TNRC6A: variants seen among roughly 807,000 people sequenced by gnomAD.
TNRC6A encodes trinucleotide repeat containing adaptor 6A, also known as trinucleotide repeat-containing gene 6A protein.
In TNRC6A, 44 loss-of-function variants were observed where a neutral mutation model predicts 221.2. The ratio of observed to expected loss-of-function variants is 0.20; its 90% CI spans 0.16 to 0.26. The LOEUF (loss-of-function observed/expected upper bound fraction) is 0.26, where lower values mean the gene tolerates loss of function less well. TNRC6A is among the 10% of genes least tolerant of loss of function. The pLI, the probability that TNRC6A is intolerant of heterozygous loss-of-function variation, is 1.00. For missense variants in TNRC6A, 2,199 were observed against 2,404.4 expected (o/e 0.91, Z 1.79); for synonymous variants, 847 against 838.5 (o/e 1.01, Z -0.18).
chr16:24,749,884 A>G (rs2057097413), intron 2 of TNRC6A, among the ~76,000 whole-genome samples: 1 of 152,208 alleles, frequency 6.6e-6, no homozygotes, highest in Admixed American at 6.5e-5. Flanking sequence ...TCACACCTGT[A>G]ATCCCAACAC....
intron 2 of TNRC6A, among the ~76,000 whole-genome samples, chr16:24,681,067 A>G (rs1013223961): frequency 6.6e-6 from 1 of 151,786 alleles, no homozygotes; most frequent in Admixed American, 6.6e-5. Flanking sequence ...AATAAAACCA[A>G]AATAACTCAG....
intron 2 of TNRC6A, among the ~76,000 whole-genome samples, chr16:24,712,354 T>C (rs1363713233): frequency 2.0e-5 from 3 of 152,208 alleles, no homozygotes; most frequent in Non-Finnish European, 4.4e-5. Flanking sequence ...GGCTTATATA[T>C]ACATTCTTAG....
At chr16:24,816,534 AAC>A (rs569250903) in intron 19 of TNRC6A, 2 of 280,032 alleles carry the variant, frequency 7.1e-6, no homozygotes, top group Non-Finnish European at 1.3e-5. Flanking sequence ...ATGATTTTTT[AAC>A]ACACACACAA....
upstream of TNRC6A, among the ~76,000 whole-genome samples, chr16:24,726,013 AC>A (rs1384419587): frequency 1.4e-4 from 21 of 151,080 alleles, no homozygotes; most frequent in Admixed American, 2.7e-4. Flanking sequence ...AAAAAAAAAA[AC>A]AAATCTGTCT....
chr16:24,639,857 A>G (rs1252418647), intron 1 of TNRC6A, among the ~76,000 whole-genome samples: 2 of 152,106 alleles, frequency 1.3e-5, no homozygotes, highest in East Asian at 3.9e-4. Context: ...AGGCTTCACT[A>G]TGTTGCCCAG....
chr16:24,779,662 A>G (rs1567461583), intron 5 of TNRC6A, among the ~76,000 whole-genome samples: 1 of 152,168 alleles, frequency 6.6e-6, no homozygotes, highest in Non-Finnish European at 1.5e-5. Flanking sequence ...TGTTCATTTT[A>G]CAGATTAGGA....
At chr16:24,816,534 A>AAC in intron 19 of TNRC6A, 2 of 280,158 alleles carry the variant, frequency 7.1e-6, no homozygotes, top group Middle Eastern at 1.2e-3. Context: ...ATGATTTTTT[A>AAC]ACACACACAC....
Position 24,647,942 on chromosome 16 carries a change from A to G in TNRC6A, n.402+6933A>G, listed in dbSNP as rs574167805. 1.1e-3 allele frequency among the ~76,000 whole-genome samples: 173 copies of G among 152,250 alleles called. 2 individuals carry two copies. In the South Asian group the frequency reaches 0.034, roughly 30 times the overall value. On this transcript the variant is annotated intron_variant and non_coding_transcript_variant, in intron 2 of 2. Coordinates refer to the TNRC6A transcript ENST00000566108. ...CTATATCTATGAGTTTGACTACTCT[A>G]GGAAATTCATATGTGTAGAACCATA... is the stretch of plus-strand genomic sequence containing the variant.
chr16:24,706,120 C>T (rs1197909447), intron 2 of TNRC6A, among the ~76,000 whole-genome samples: 1 of 152,030 alleles, frequency 6.6e-6, no homozygotes, highest in African/African-American at 2.4e-5. Context: ...TCAGCAACAA[C>T]AAAAATGTAG....
At chr16:24,822,295 G>A in intron 23 of TNRC6A, 148 bp downstream of exon 23, 1 of 726,616 alleles carries the variant, frequency 1.4e-6, no homozygotes, top group East Asian at 2.7e-5. Flanking sequence ...ACCTCAGGCA[G>A]GCTGTGGTCG....
At chr16:24,654,021 C>A (rs141421942) in intron 2 of TNRC6A, among the ~76,000 whole-genome samples, 70 of 152,308 alleles carry the variant, frequency 4.6e-4, no homozygotes, top group African/African-American at 1.6e-3. Flanking sequence ...CCTTTCACCT[C>A]AGCCTCCCAA....
At chr16:24,764,192 A>AT (rs1225137366) in intron 4 of TNRC6A, among the ~76,000 whole-genome samples, 4 of 149,964 alleles carry the variant, frequency 2.7e-5, no homozygotes, top group African/African-American at 9.8e-5. Context: ...TCTTGGCAGT[A>AT]TTTTTATTTC....
At chr16:24,799,163 C>T (rs139857037) in intron 11 of TNRC6A, among the ~76,000 whole-genome samples, 1 of 152,284 alleles carries the variant, frequency 6.6e-6, no homozygotes, top group African/African-American at 2.4e-5. Context: ...AACTAAGAAA[C>T]CAAACCTCTC....
intron 2 of TNRC6A, among the ~76,000 whole-genome samples, chr16:24,730,636 C>A (rs1313598367): frequency 6.6e-6 from 1 of 151,618 alleles, no homozygotes; most frequent in African/African-American, 2.4e-5. Context: ...ATGATTGAGG[C>A]GGCCCTTATG....
At chr16:24,628,278 G>A (rs1223436519) in intron 1 of TNRC6A, among the ~76,000 whole-genome samples, 3 of 151,752 alleles carry the variant, frequency 2.0e-5, no homozygotes, top group South Asian at 2.1e-4. Flanking sequence ...AAATTAGCTG[G>A]GTGTGGTGGT....
chr16:24,729,988 G>A, intron 1 of TNRC6A, 142 bp downstream of exon 1: 1 of 803,810 alleles, frequency 1.2e-6, no homozygotes, highest in African/African-American at 1.9e-5. Flanking sequence ...CGCAGGCTGC[G>A]TTGCTGCGGA....
At chr16:24,703,267 G>A (rs113526317) in intron 2 of TNRC6A, among the ~76,000 whole-genome samples, 4,116 of 151,948 alleles carry the variant, frequency 0.027, 78 homozygotes, top group Non-Finnish European at 0.039. Flanking sequence ...TTACCTATTC[G>A]AGACATTTCA....
At chr16:24,619,250 T>C (rs533301207) in intron 1 of TNRC6A, among the ~76,000 whole-genome samples, 2 of 152,318 alleles carry the variant, frequency 1.3e-5, no homozygotes, top group Admixed American at 6.5e-5. Context: ...AAAATTCACC[T>C]ATTATCATCG....
At chr16:24,666,668 A>AAAAT (rs1555487103) in intron 2 of TNRC6A, among the ~76,000 whole-genome samples, 21 of 65,100 alleles carry the variant, frequency 3.2e-4, no homozygotes, top group Non-Finnish European at 4.4e-4. Flanking sequence ...AAAAAAAAAA[A>AAAAT]ATATATATAT....
Sources: allele counts gnomAD v4.1 joint callset (sites outside exome capture counted in the v4.1 genomes callset), GRCh38; gene constraint gnomAD v4.1.1; transcripts MANE v1.5; gene names NCBI Gene and HGNC (gene_info 2026-07-23, HGNC 2026-07-21).